Variants in KCNB2 observed in about 807,000 individuals in gnomAD.
KCNB2 encodes delayed rectifier potassium channel protein.
In KCNB2, 15 loss-of-function variants were observed where a neutral mutation model predicts 61.5. That is an observed-to-expected ratio of 0.24 (90% CI 0.16 to 0.38). KCNB2 has a LOEUF of 0.38. Among genes scored for constraint, KCNB2 ranks in the 10% least tolerant of loss-of-function variants. The pLI, the probability that KCNB2 is intolerant of heterozygous loss-of-function variation, is 1.00. For synonymous variants in KCNB2, 457 were observed against 446.0 expected (o/e 1.02, Z -0.31); for missense variants, 828 against 1,125.2 (o/e 0.74, Z 3.78).
At chr8:72,738,574 C>T (rs148920320) in intron 2 of KCNB2, among the ~76,000 whole-genome samples, 1 of 152,308 alleles carries the variant, frequency 6.6e-6, no homozygotes, top group Non-Finnish European at 1.5e-5. Flanking sequence ...ACTGAATATG[C>T]CAATGCATTA....
At chr8:72,854,625 T>G (rs1810175791) in intron 2 of KCNB2, among the ~76,000 whole-genome samples, 1 of 152,094 alleles carries the variant, frequency 6.6e-6, no homozygotes. Context: ...AATGAGCAAA[T>G]GTAGCTAACT....
chr8:72,684,437 G>A (rs1806814138), intron 2 of KCNB2, among the ~76,000 whole-genome samples: 1 of 152,160 alleles, frequency 6.6e-6, no homozygotes, highest in Admixed American at 6.5e-5. Flanking sequence ...CAGGGGCAGA[G>A]TGGGTAGGAG....
chr8:72,561,737 A>G (rs76521339), intron 1 of KCNB2, among the ~76,000 whole-genome samples: 1,086 of 28,582 alleles, frequency 0.038, 115 homozygotes, highest in Non-Finnish European at 0.045. Context: ...ATCTATATCT[A>G]TATATATATG....
intron 2 of KCNB2, among the ~76,000 whole-genome samples, chr8:72,870,282 A>G (rs1805594960): frequency 6.6e-6 from 1 of 152,206 alleles, no homozygotes; most frequent in South Asian, 2.1e-4. Flanking sequence ...CGTGGTGCCT[A>G]TACTTAACAA....
chr8:72,699,043 A>C (rs1585837370), intron 2 of KCNB2, among the ~76,000 whole-genome samples: 1 of 152,218 alleles, frequency 6.6e-6, no homozygotes, highest in Non-Finnish European at 1.5e-5. Context: ...ACAGCAACAG[A>C]AACTATCAAC....
Position 72,931,098 on chromosome 8 carries a change from A to G in KCNB2, c.580-4837A>G, listed in dbSNP as rs561468790. Among the ~76,000 whole-genome samples, 453 of 152,340 alleles carry G rather than the reference A, an allele frequency of 3.0e-3. 2 individuals carry two copies. Among genetic ancestry groups the G allele is most frequent in the African/African-American group, 0.01 (424 of 41,578 alleles). ...GTTTTTGTCAGGTTTGTCAAAGATC[A>G]GATAGTTGTAGATGTGTGGTATTAT... On this transcript the variant is annotated intron_variant, in intron 2 of 2. Coordinates refer to ENST00000523207, the MANE Select transcript of KCNB2 (RefSeq NM_004770.3).
chr8:72,652,333 T>G (rs1806224918), intron 2 of KCNB2, among the ~76,000 whole-genome samples: 1 of 152,122 alleles, frequency 6.6e-6, no homozygotes, highest in Non-Finnish European at 1.5e-5. Flanking sequence ...CACAGAATTG[T>G]GTATGGCAGC....
chr8:72,729,137 G>A (rs1807699766), intron 2 of KCNB2, among the ~76,000 whole-genome samples: 1 of 152,150 alleles, frequency 6.6e-6, no homozygotes, highest in South Asian at 2.1e-4. Flanking sequence ...GCACAATGAG[G>A]AGTTCCCACT....
chr8:72,785,851 A>G lies in KCNB2; in HGVS notation c.580-150084A>G, dbSNP rs562319306. Among the ~76,000 whole-genome samples, 7 of 152,264 alleles carry G rather than the reference A, an allele frequency of 4.6e-5. No individual in the cohort carries two copies. In the East Asian group the frequency reaches 1.4e-3, roughly 29 times the overall value. On this transcript the variant is annotated intron_variant, in intron 2 of 2. Coordinates refer to ENST00000523207, the MANE Select transcript of KCNB2 (RefSeq NM_004770.3). ...CCTGCTGTGTATCAATCACTGGTTT[A>G]GGTGCTGAATGAGACACATCATGGG...
intron 2 of KCNB2, among the ~76,000 whole-genome samples, chr8:72,681,483 G>A (rs1355786045): frequency 6.6e-6 from 1 of 152,004 alleles, no homozygotes; most frequent in Non-Finnish European, 1.5e-5. Flanking sequence ...GTCTTCAGGG[G>A]CAATAACATG....
chr8:72,841,239 T>A (rs946842966), intron 2 of KCNB2, among the ~76,000 whole-genome samples: 1 of 152,140 alleles, frequency 6.6e-6, no homozygotes, highest in Non-Finnish European at 1.5e-5. Flanking sequence ...TTTATGAGGC[T>A]CTGTTCTGTT....
At chr8:72,794,754 G>C (rs1336431476) in intron 2 of KCNB2, among the ~76,000 whole-genome samples, 1 of 152,126 alleles carries the variant, frequency 6.6e-6, no homozygotes, top group Non-Finnish European at 1.5e-5. Flanking sequence ...ATGGAGCTCA[G>C]CACAAGATTG....
intron 2 of KCNB2, among the ~76,000 whole-genome samples, chr8:72,832,945 C>A (rs1285498336): frequency 6.6e-6 from 1 of 152,156 alleles, no homozygotes; most frequent in African/African-American, 2.4e-5. Flanking sequence ...GGATACTAGT[C>A]CAGAACAAAG....
At position 72,883,078 on chromosome 8, in the gene KCNB2, G is replaced by A. The variant is rs924445396; in HGVS notation, c.580-52857G>A. Among the ~76,000 whole-genome samples the A allele has an allele frequency of 5.6e-4, 86 of 152,234 alleles. 1 individual carries two copies. The highest frequency in any genetic ancestry group is 5.5e-3 in the Admixed American group (84 of 15,298). ...CCCAGAAGTCATTTACGTTCTCAAC[G>A]CTTTTACAATATGATGCGAAGCCAG... On this transcript the variant is annotated intron_variant, in intron 2 of 2. Coordinates refer to ENST00000523207, the MANE Select transcript of KCNB2 (RefSeq NM_004770.3).
chr8:72,852,642 G>A (rs147955895), intron 2 of KCNB2, among the ~76,000 whole-genome samples: 1 of 152,268 alleles, frequency 6.6e-6, no homozygotes, highest in African/African-American at 2.4e-5. Flanking sequence ...TTTTTGCACA[G>A]GATGGCAGGG....
chr8:72,867,186 C>T (rs1805534378), intron 2 of KCNB2, among the ~76,000 whole-genome samples: 1 of 151,866 alleles, frequency 6.6e-6, no homozygotes. Flanking sequence ...GTATTTTAGA[C>T]AGTATCTACA....
chr8:72,683,263 T>C (rs1440359), intron 2 of KCNB2, among the ~76,000 whole-genome samples: 7 of 152,064 alleles, frequency 4.6e-5, no homozygotes, highest in African/African-American at 1.7e-4. Flanking sequence ...CACTTTTTTT[T>C]CTATTCCCCT....
chr8:72,719,072 TTTTTG>T (rs1807501037), intron 2 of KCNB2, among the ~76,000 whole-genome samples: 1 of 152,170 alleles, frequency 6.6e-6, no homozygotes, highest in Non-Finnish European at 1.5e-5. Flanking sequence ...CAGTGTTTTT[TTTTTG>T]TTTTGTTCTT....
chr8:72,789,923 G>T (rs1808910332), intron 2 of KCNB2, among the ~76,000 whole-genome samples: 1 of 152,034 alleles, frequency 6.6e-6, no homozygotes, highest in African/African-American at 2.4e-5. Context: ...AAAGAGATTT[G>T]CCAGTAGTTT....
Sources: allele counts gnomAD v4.1 joint callset (sites outside exome capture counted in the v4.1 genomes callset), GRCh38; gene constraint gnomAD v4.1.1; transcripts MANE v1.5; gene names NCBI Gene and HGNC (gene_info 2026-07-23, HGNC 2026-07-21).